Variants in GRID2 observed in about 807,000 individuals in gnomAD.
GRID2 encodes glutamate ionotropic receptor delta type subunit 2, also known as glutamate receptor ionotropic, delta-2.
In GRID2, 33 loss-of-function variants were observed where a neutral mutation model predicts 114.8. The ratio of observed to expected loss-of-function variants is 0.29; its 90% CI spans 0.22 to 0.38. The LOEUF is 0.38. Ranked by LOEUF, GRID2 falls within the 10% of genes least tolerant of loss-of-function variation. The probability of loss-of-function intolerance (pLI) is 1.00; values close to 1 mark genes in which losing one functional copy is unlikely to be tolerated. For synonymous variants in GRID2, 505 were observed against 449.9 expected (o/e 1.12, Z -1.55); for missense variants, 1,184 against 1,257.7 (o/e 0.94, Z 0.89).
At chr4:93,017,736 A>G (rs1362026574) in intron 2 of GRID2, among the ~76,000 whole-genome samples, 3 of 151,022 alleles carry the variant, frequency 2.0e-5, no homozygotes, top group Non-Finnish European at 4.4e-5. Flanking sequence ...TGGAGGTTGC[A>G]GTGAGCCAAG....
chr4:92,925,990 T>C (rs1749779054), intron 2 of GRID2, among the ~76,000 whole-genome samples: 1 of 152,014 alleles, frequency 6.6e-6, no homozygotes, highest in Admixed American at 6.6e-5. Context: ...GTCTGCACAT[T>C]CCAATTCTGT....
chr4:93,257,989 TATATATATATACACACAC>T (rs1418143103), intron 8 of GRID2, among the ~76,000 whole-genome samples: 62 of 130,864 alleles, frequency 4.7e-4, no homozygotes, highest in South Asian at 7.3e-4. Flanking sequence ...TATATATATA[TATATATATATACACACAC>T]ACACACACAC....
At chr4:93,509,412 T>C (rs192775684) in intron 12 of GRID2, among the ~76,000 whole-genome samples, 1 of 152,210 alleles carries the variant, frequency 6.6e-6, no homozygotes, top group African/African-American at 2.4e-5. Context: ...GATACGGCAA[T>C]TCCAGAAATC....
rs1269370715 is a variant in GRID2, at chr4:92,935,908, A to T, written c.245-149087A>T. Among the ~76,000 whole-genome samples the T allele has an allele frequency of 1.4e-5, 2 of 145,256 alleles. 1 individual carries two copies. Among genetic ancestry groups the T allele is most frequent in the Admixed American group, 1.5e-4 (2 of 13,146 alleles). On this transcript the variant is annotated intron_variant, in intron 2 of 15. Coordinates refer to ENST00000282020, the MANE Select transcript of GRID2 (RefSeq NM_001510.4). ...TGTGGGGTGGGGGCTGGGGGGAGGG[A>T]TAGCATTAAGAGATATACCTAATGC...
intron 4 of GRID2, among the ~76,000 whole-genome samples, chr4:93,148,329 C>T (rs561869327): frequency 3.9e-5 from 6 of 152,044 alleles, no homozygotes; most frequent in Non-Finnish European, 8.8e-5. Context: ...TACACTGAGA[C>T]CTTAGTATAA....
intron 1 of GRID2, among the ~76,000 whole-genome samples, chr4:92,510,934 A>G (rs1295124386): frequency 1.3e-5 from 2 of 151,694 alleles, no homozygotes; most frequent in Non-Finnish European, 2.9e-5. Flanking sequence ...CAGGAGCGTG[A>G]TGTCTTAGAA....
rs117236521 is a variant in GRID2, at chr4:92,371,884, G to T, written c.88+67140G>T. On this transcript the variant is annotated intron_variant, in intron 1 of 15. Transcript: ENST00000282020. ...GATTTACCATTCAAGATGCCACTGA[G>T]AACATTCATTATTCATGGGAGAAGA... Among the ~76,000 whole-genome samples, 23 of 152,272 alleles carry T rather than the reference G, an allele frequency of 1.5e-4. No individual in the cohort carries two copies. The East Asian group carries it at 4.2e-3, about 28-fold the overall frequency.
intron 1 of GRID2, among the ~76,000 whole-genome samples, chr4:92,392,275 C>T (rs1730278783): frequency 6.6e-6 from 1 of 151,866 alleles, no homozygotes; most frequent in Non-Finnish European, 1.5e-5. Flanking sequence ...ATTTTCTTGG[C>T]TGGGCGCGGT....
chr4:93,230,354 C>G (rs530937621), intron 7 of GRID2, among the ~76,000 whole-genome samples: 1 of 152,012 alleles, frequency 6.6e-6, no homozygotes, highest in Admixed American at 6.6e-5. Flanking sequence ...ATTAATCACT[C>G]CAATTCTAAT....
intron 2 of GRID2, among the ~76,000 whole-genome samples, chr4:92,851,198 T>C (rs549850690): frequency 6.6e-6 from 1 of 152,032 alleles, no homozygotes; most frequent in Admixed American, 6.6e-5. Context: ...ACCTAAAATA[T>C]TAACAAATCA....
intron 3 of GRID2, among the ~76,000 whole-genome samples, chr4:93,106,340 A>G (rs968562714): frequency 6.6e-6 from 1 of 151,884 alleles, no homozygotes; most frequent in Non-Finnish European, 1.5e-5. Context: ...CCAAAGGCTT[A>G]CTCTCTTTTA....
chr4:92,370,819 G>A (rs2110217864), intron 1 of GRID2, among the ~76,000 whole-genome samples: 1 of 152,284 alleles, frequency 6.6e-6, no homozygotes, highest in African/African-American at 2.4e-5. Context: ...AAGGTAGAAA[G>A]TAGAGTGATG....
chr4:92,449,703 ATAT>A (rs1455982609), intron 1 of GRID2, among the ~76,000 whole-genome samples: 1 of 140,890 alleles, frequency 7.1e-6, no homozygotes, highest in Admixed American at 7.1e-5. Context: ...ATATATATAT[ATAT>A]ATATAACACT....
chr4:92,341,566 A>C (rs1362225455), intron 1 of GRID2, among the ~76,000 whole-genome samples: 1 of 152,142 alleles, frequency 6.6e-6, no homozygotes, highest in Non-Finnish European at 1.5e-5. Context: ...GCAGATAAAC[A>C]CTTGAGAATC....
At chr4:93,047,024 T>C (rs1000208562) in intron 2 of GRID2, among the ~76,000 whole-genome samples, 1 of 151,964 alleles carries the variant, frequency 6.6e-6, no homozygotes, top group Non-Finnish European at 1.5e-5. Context: ...TATGATAATG[T>C]GATGTGATGA....
intron 1 of GRID2, among the ~76,000 whole-genome samples, chr4:92,562,438 C>T (rs1247214209): frequency 6.6e-6 from 1 of 152,074 alleles, no homozygotes; most frequent in Non-Finnish European, 1.5e-5. Context: ...GGGTAAGTAC[C>T]ATAACTTCAC....
At chr4:93,734,621 A>G (rs1730769338) in intron 14 of GRID2, among the ~76,000 whole-genome samples, 1 of 152,002 alleles carries the variant, frequency 6.6e-6, no homozygotes, top group African/African-American at 2.4e-5. Flanking sequence ...CAGAAGAATG[A>G]ACTTGGAGAA....
chr4:92,363,151 G>T (rs1728694858), intron 1 of GRID2, among the ~76,000 whole-genome samples: 2 of 152,020 alleles, frequency 1.3e-5, no homozygotes, highest in Non-Finnish European at 2.9e-5. Flanking sequence ...AGTGTCTCCT[G>T]GTAGCTGACT....
At chr4:93,402,662 T>G (rs1766011306) in intron 9 of GRID2, among the ~76,000 whole-genome samples, 1 of 152,078 alleles carries the variant, frequency 6.6e-6, no homozygotes, top group Non-Finnish European at 1.5e-5. Context: ...CTTCTGCCAG[T>G]GAAGCTGGTA....
Sources: allele counts gnomAD v4.1 joint callset (sites outside exome capture counted in the v4.1 genomes callset), GRCh38; gene constraint gnomAD v4.1.1; transcripts MANE v1.5; gene names NCBI Gene and HGNC (gene_info 2026-07-23, HGNC 2026-07-21).